ASAP2: variants seen among roughly 807,000 people sequenced by gnomAD.
ASAP2 encodes the protein ArfGAP with SH3 domain, ankyrin repeat and PH domain 2, also known as arf-GAP with SH3 domain, ANK repeat and PH domain-containing protein 2.
A neutral mutation model predicts 131.4 loss-of-function variants in ASAP2; 45 were observed. The ratio of observed to expected loss-of-function variants is 0.34; its 90% CI spans 0.27 to 0.44. The LOEUF (loss-of-function observed/expected upper bound fraction) is 0.44, where lower values mean the gene tolerates loss of function less well. ASAP2 is among the 20% of genes least tolerant of loss of function. The pLI, the probability that ASAP2 is intolerant of heterozygous loss-of-function variation, is 1.00. For synonymous variants in ASAP2, 510 were observed against 503.0 expected (o/e 1.01, Z -0.19); for missense variants, 1,011 against 1,297.0 (o/e 0.78, Z 3.39).
At chr2:9,256,018 T>G (rs980649692) in intron 1 of ASAP2, among the ~76,000 whole-genome samples, 1 of 152,158 alleles carries the variant, frequency 6.6e-6, no homozygotes, top group Admixed American at 6.5e-5. Flanking sequence ...TTGTTTTTAA[T>G]GCCCTGTTTT....
At chr2:9,399,978 G>C (rs374406091) in intron 24 of ASAP2, 45 bp from the exon 25 acceptor site, 5 of 1,591,544 alleles carry the variant, frequency 3.1e-6, no homozygotes, top group Non-Finnish European at 4.3e-6. Context: ...AAAGGGGCAG[G>C]TGCCCTCCGG....
chr2:9,228,413 G>T (rs1165768235), intron 1 of ASAP2, among the ~76,000 whole-genome samples: 1 of 152,172 alleles, frequency 6.6e-6, no homozygotes, highest in Non-Finnish European at 1.5e-5. Context: ...CCCAGTCTTT[G>T]AGTCTATAAT....
chr2:9,293,783 T>TA, intron 2 of ASAP2, among the ~76,000 whole-genome samples: 2 of 152,190 alleles, frequency 1.3e-5, no homozygotes, highest in Non-Finnish European at 2.9e-5. Flanking sequence ...AAAATACATC[T>TA]AAAAATCCCC....
chr2:9,314,093 C>T (rs1253471507), intron 3 of ASAP2, among the ~76,000 whole-genome samples: 3 of 152,208 alleles, frequency 2.0e-5, no homozygotes, highest in Non-Finnish European at 4.4e-5. Flanking sequence ...AAGTGATTCT[C>T]CTGCCTCAGC....
At chr2:9,380,276 C>T (rs1212037941) in intron 19 of ASAP2, among the ~76,000 whole-genome samples, 1 of 152,196 alleles carries the variant, frequency 6.6e-6, no homozygotes, top group Non-Finnish European at 1.5e-5. Context: ...CGGCTCACTG[C>T]AACCTCTGCC....
At chr2:9,293,884 T>G (rs1202862381) in intron 2 of ASAP2, among the ~76,000 whole-genome samples, 1 of 152,162 alleles carries the variant, frequency 6.6e-6, no homozygotes, top group African/African-American at 2.4e-5. Context: ...ATGAAAGCAC[T>G]GTAAACGTAA....
intron 12 of ASAP2, among the ~76,000 whole-genome samples, chr2:9,354,372 G>A (rs532529633): frequency 1.0e-3 from 159 of 152,330 alleles, no homozygotes; most frequent in Non-Finnish European, 2.0e-3. Context: ...TCTGGAAGCC[G>A]TCCGCTTATT....
intron 4 of ASAP2, 108 bp downstream of exon 4, chr2:9,318,706 T>C: frequency 1.5e-6 from 1 of 659,020 alleles, no homozygotes. Flanking sequence ...ATTGGGACGA[T>C]AGGATGGCTC....
chr2:9,309,708 GA>G (rs1472586644), intron 3 of ASAP2, among the ~76,000 whole-genome samples: 1 of 152,224 alleles, frequency 6.6e-6, no homozygotes, highest in Non-Finnish European at 1.5e-5. Context: ...GTGCCCAATA[GA>G]ACTGTTTGCG....
chr2:9,300,855 G>A (rs978495548), intron 3 of ASAP2, among the ~76,000 whole-genome samples: 2 of 152,210 alleles, frequency 1.3e-5, no homozygotes, highest in African/African-American at 4.8e-5. Context: ...GTTTCAACTT[G>A]CACTTTATGG....
At chr2:9,225,631 G>T (rs1324886480) in intron 1 of ASAP2, among the ~76,000 whole-genome samples, 1 of 152,070 alleles carries the variant, frequency 6.6e-6, no homozygotes, top group South Asian at 2.1e-4. Context: ...TTTGCGTAGG[G>T]GAGTGACATG....
chr2:9,273,234 T>C (rs1236294694), intron 1 of ASAP2, among the ~76,000 whole-genome samples: 1 of 152,206 alleles, frequency 6.6e-6, no homozygotes, highest in Non-Finnish European at 1.5e-5. Flanking sequence ...CATCATCGTT[T>C]TATAGTTTTC....
chr2:9,236,033 T>C (rs1572218030), intron 1 of ASAP2, among the ~76,000 whole-genome samples: 1 of 152,298 alleles, frequency 6.6e-6, no homozygotes, highest in East Asian at 1.9e-4. Context: ...TGCCCAGGAC[T>C]GCACCCACCA....
intron 1 of ASAP2, among the ~76,000 whole-genome samples, chr2:9,216,931 C>A (rs904392079): frequency 6.6e-6 from 1 of 152,010 alleles, no homozygotes; most frequent in African/African-American, 2.4e-5. Flanking sequence ...TTATGGGGCA[C>A]TTATTATGTG....
At chr2:9,297,587 A>C in intron 3 of ASAP2, 142 bp downstream of exon 3, 1 of 1,010,700 alleles carries the variant, frequency 9.9e-7, no homozygotes, top group Non-Finnish European at 1.4e-6. Context: ...TTTTATACAC[A>C]TTGGGTCAGT....
intron 7 of ASAP2, among the ~76,000 whole-genome samples, chr2:9,334,215 T>G (rs1671040777): frequency 6.7e-6 from 1 of 150,008 alleles, no homozygotes. Flanking sequence ...TTTTTTTTTT[T>G]GTATTTTTAA....
chr2:9,256,860 A>C (rs1665200191), intron 1 of ASAP2, among the ~76,000 whole-genome samples: 2 of 152,180 alleles, frequency 1.3e-5, no homozygotes, highest in African/African-American at 4.8e-5. Context: ...AGTCAGTATG[A>C]CTGTCTCTTA....
intron 1 of ASAP2, among the ~76,000 whole-genome samples, chr2:9,253,702 C>G (rs1361591766): frequency 6.6e-6 from 1 of 152,088 alleles, no homozygotes; most frequent in Admixed American, 6.6e-5. Flanking sequence ...TTTGCTTGAC[C>G]TAGTGCCCTG....
intron 16 of ASAP2, among the ~76,000 whole-genome samples, chr2:9,372,810 G>A (rs909757007): frequency 3.3e-5 from 5 of 152,022 alleles, no homozygotes; most frequent in Non-Finnish European, 7.4e-5. Flanking sequence ...TCACACCCAC[G>A]TCCACACTCA....
Sources: gnomAD v4.1 joint callset for allele counts (sites outside exome capture counted in the v4.1 genomes callset) on GRCh38, gnomAD v4.1.1 for gene constraint, MANE v1.5 for transcripts, NCBI Gene and HGNC (gene_info 2026-07-23, HGNC 2026-07-21) for gene names.